Variants in FAM13C observed in about 807,000 individuals in gnomAD.
The protein encoded by FAM13C is family with sequence similarity 13 member C, also known as protein FAM13C.
Under a neutral mutation model 73.2 loss-of-function variants are expected in FAM13C, and 37 were observed. The observed-to-expected ratio is 0.51, with a 90% CI of 0.39 to 0.67. The LOEUF is 0.67. Among genes scored for constraint, FAM13C ranks in the 30% least tolerant of loss-of-function variants. The pLI is 0.00. For missense variants in FAM13C, 589 were observed against 715.6 expected (o/e 0.82, Z 2.02); for synonymous variants, 246 against 260.9 (o/e 0.94, Z 0.55).
At chr10:59,259,837 G>A (rs1212651187) in intron 10 of FAM13C, among the ~76,000 whole-genome samples, 1 of 152,140 alleles carries the variant, frequency 6.6e-6, no homozygotes, top group Non-Finnish European at 1.5e-5. Flanking sequence ...ACATGCCTCA[G>A]TAGGATGACC....
intron 6 of FAM13C, 132 bp downstream of exon 6, chr10:59,283,231 G>A (rs1589444530): frequency 1.1e-6 from 1 of 916,264 alleles, no homozygotes; most frequent in East Asian, 2.4e-5. Flanking sequence ...GGGCAACTCA[G>A]AAGCACCTCT....
At chr10:59,354,100 G>C (rs1466296633) in intron 2 of FAM13C, among the ~76,000 whole-genome samples, 1 of 152,104 alleles carries the variant, frequency 6.6e-6, no homozygotes, top group African/African-American at 2.4e-5. Flanking sequence ...CATTCGAGTA[G>C]GATTATAGAA....
In FAM13C at chr10:59,247,541, T is replaced by C; in HGVS notation, c.*73A>G. 9 of 1,591,642 alleles carry C rather than the reference T, an allele frequency of 5.7e-6. No homozygotes were observed. The highest frequency in any genetic ancestry group is 7.7e-6 in the Non-Finnish European group (9 of 1,165,358). ...CCATTTTCATTGTGTCAAAACTACTTAGCAAGGATGGCAGAGGAAAATAAA... is the reference window on the plus strand; with the variant it reads ...CCATTTTCATTGTGTCAAAACTACTCAGCAAGGATGGCAGAGGAAAATAAA... On this transcript the variant is annotated 3_prime_UTR_variant, in exon 14 of 14. Coordinates refer to ENST00000618804, the MANE Select transcript of FAM13C (RefSeq NM_198215.4).
At chr10:59,290,865 A>AG (rs541608169) in intron 5 of FAM13C, among the ~76,000 whole-genome samples, 37 of 152,164 alleles carry the variant, frequency 2.4e-4, no homozygotes, top group African/African-American at 7.7e-4. Flanking sequence ...CAGTATTTGC[A>AG]GGGGGGGCAG....
intron 1 of FAM13C, 60 bp from the exon 2 acceptor site, chr10:59,356,003 A>C: frequency 6.9e-7 from 1 of 1,457,164 alleles, no homozygotes; most frequent in Non-Finnish European, 9.6e-7. Context: ...CAGTAGTAGC[A>C]ATAATCTAGA....
At chr10:59,357,341 A>G (rs74150879) in intron 1 of FAM13C, among the ~76,000 whole-genome samples, 2 of 152,152 alleles carry the variant, frequency 1.3e-5, no homozygotes, top group Non-Finnish European at 2.9e-5. Context: ...TCACTTGTAA[A>G]CCTTTGTACC....
At chr10:59,361,700 TAAGG>T in intron 1 of FAM13C, among the ~76,000 whole-genome samples, 1 of 152,164 alleles carries the variant, frequency 6.6e-6, no homozygotes, top group East Asian at 1.9e-4. Flanking sequence ...AGGAAAACAT[TAAGG>T]AAGGGATGTC....
At chr10:59,329,327 TTTTC>T (rs1390492798) in intron 3 of FAM13C, among the ~76,000 whole-genome samples, 19 of 150,024 alleles carry the variant, frequency 1.3e-4, no homozygotes, top group Admixed American at 4.0e-4. Context: ...TTTTTTCTTT[TTTTC>T]TTTCTTTCTG....
chr10:59,339,548 A>G (rs998627997), intron 3 of FAM13C, among the ~76,000 whole-genome samples: 1 of 152,120 alleles, frequency 6.6e-6, no homozygotes, highest in African/African-American at 2.4e-5. Context: ...CCAACAGTAC[A>G]TGGATGATAA....
intron 4 of FAM13C, among the ~76,000 whole-genome samples, chr10:59,307,518 C>T (rs1848397602): frequency 6.6e-6 from 1 of 152,080 alleles, no homozygotes; most frequent in African/African-American, 2.4e-5. Context: ...ATCTATTTCA[C>T]CTAATAGGAG....
intron 6 of FAM13C, chr10:59,282,648 GT>G: frequency 6.6e-6 from 1 of 152,030 alleles, no homozygotes; most frequent in Non-Finnish European, 1.5e-5. Context: ...TGACCTCTTT[GT>G]TATGTTAGAA....
intron 6 of FAM13C, among the ~76,000 whole-genome samples, chr10:59,280,323 A>C (rs1844787478): frequency 6.6e-6 from 1 of 152,076 alleles, no homozygotes; most frequent in South Asian, 2.1e-4. Context: ...TTTTTCCCTA[A>C]GGGCCCTCTA....
intron 4 of FAM13C, among the ~76,000 whole-genome samples, chr10:59,309,314 C>A (rs2133918213): frequency 6.6e-6 from 1 of 152,258 alleles, no homozygotes; most frequent in Non-Finnish European, 1.5e-5. Flanking sequence ...CCTGGTCTCC[C>A]TACTTCCCCT....
intron 4 of FAM13C, among the ~76,000 whole-genome samples, chr10:59,308,259 T>A (rs911043813): frequency 9.2e-5 from 14 of 152,104 alleles, no homozygotes; most frequent in African/African-American, 3.4e-4. Flanking sequence ...CAGAGCCCAA[T>A]TATGGCCCTC....
intron 5 of FAM13C, among the ~76,000 whole-genome samples, chr10:59,289,562 C>T (rs1845986105): frequency 6.6e-6 from 1 of 152,212 alleles, no homozygotes; most frequent in African/African-American, 2.4e-5. Context: ...CAGTATGAGG[C>T]TATTAGCAGC....
At chr10:59,286,027 G>A (rs1845514095) in intron 5 of FAM13C, among the ~76,000 whole-genome samples, 1 of 152,176 alleles carries the variant, frequency 6.6e-6, no homozygotes, top group East Asian at 1.9e-4. Context: ...GTCCATGAGC[G>A]GATGAATGGA....
intron 3 of FAM13C, among the ~76,000 whole-genome samples, chr10:59,349,322 C>G (rs1330340387): frequency 6.6e-6 from 1 of 152,226 alleles, no homozygotes; most frequent in East Asian, 1.9e-4. Flanking sequence ...GGACCAGACA[C>G]TTTAAACAAT....
chr10:59,357,088 T>C (rs1855809579), intron 1 of FAM13C, among the ~76,000 whole-genome samples: 1 of 152,198 alleles, frequency 6.6e-6, no homozygotes, highest in Non-Finnish European at 1.5e-5. Context: ...TTTTGAGGTT[T>C]TGGGACTCAA....
At chr10:59,310,409 A>C (rs1848780102) in intron 4 of FAM13C, among the ~76,000 whole-genome samples, 2 of 152,232 alleles carry the variant, frequency 1.3e-5, no homozygotes, top group Admixed American at 1.3e-4. Flanking sequence ...AATAAATTCC[A>C]GTAATATTAT....
Sources: gnomAD v4.1 joint callset for allele counts (sites outside exome capture counted in the v4.1 genomes callset) on GRCh38, gnomAD v4.1.1 for gene constraint, MANE v1.5 for transcripts, NCBI Gene and HGNC (gene_info 2026-07-23, HGNC 2026-07-21) for gene names.